The following GPHN variants were observed in gnomAD, a reference collection of about 807,000 sequenced individuals.
GPHN encodes the protein gephyrin.
GPHN carries 17 observed loss-of-function variants against 95.5 expected under a neutral mutation model. That is an observed-to-expected ratio of 0.18 (90% CI 0.12 to 0.27). The LOEUF (loss-of-function observed/expected upper bound fraction) is 0.27. Among genes scored for constraint, GPHN ranks in the 10% least tolerant of loss-of-function variants. The pLI, the probability that GPHN is intolerant of heterozygous loss-of-function variation, is 1.00. For missense variants in GPHN, 660 were observed against 978.1 expected, an observed-to-expected ratio of 0.67 and a Z score of 4.34; for synonymous variants, 320 against 322.5, an observed-to-expected ratio of 0.99 and a Z score of 0.08.
chr14:66,570,200 GAC>G (rs1202664128), intron 1 of GPHN, among the ~76,000 whole-genome samples: 5 of 151,338 alleles, frequency 3.3e-5, no homozygotes, highest in African/African-American at 1.2e-4. Flanking sequence ...CCCATTGATG[GAC>G]AATTAGGTTG....
intron 10 of GPHN, among the ~76,000 whole-genome samples, chr14:67,047,854 G>A (rs377159700): frequency 2.6e-5 from 4 of 152,252 alleles, no homozygotes; most frequent in South Asian, 2.1e-4. Context: ...CCAGCTACTC[G>A]ATGGGGTGAG....
At chr14:66,967,508 T>C (rs1028451062) in intron 9 of GPHN, among the ~76,000 whole-genome samples, 1 of 152,016 alleles carries the variant, frequency 6.6e-6, no homozygotes, top group East Asian at 1.9e-4. Flanking sequence ...ATCCAAATGC[T>C]TGGGACCAGA....
At chr14:66,905,557 G>A (rs906000732) in intron 5 of GPHN, among the ~76,000 whole-genome samples, 5 of 152,086 alleles carry the variant, frequency 3.3e-5, no homozygotes, top group Admixed American at 2.6e-4. Flanking sequence ...GGCTTGTTTC[G>A]CTTTTTTGTG....
intron 22 of GPHN, among the ~76,000 whole-genome samples, chr14:67,179,971 C>T (rs758123740): frequency 1.6e-4 from 25 of 152,136 alleles, no homozygotes; most frequent in Non-Finnish European, 2.9e-4. Context: ...GTTTGTTCAA[C>T]CAATAAGTTC....
At chr14:67,725,138 G>T in the GPHN span, 1 of 1,614,166 alleles carries the variant, frequency 6.2e-7, no homozygotes, top group Non-Finnish European at 8.5e-7. Context: ...GTACTGAAGG[G>T]GGAGTCTGCT....
chr14:67,498,596 G>A, the GPHN span, among the ~76,000 whole-genome samples: 6 of 152,182 alleles, frequency 3.9e-5, no homozygotes, highest in African/African-American at 1.4e-4. Flanking sequence ...CAAGAAAGAC[G>A]AAGGAATGAG....
At chr14:67,003,177 A>T (rs546752809) in intron 9 of GPHN, among the ~76,000 whole-genome samples, 1 of 151,794 alleles carries the variant, frequency 6.6e-6, no homozygotes, top group South Asian at 2.1e-4. Context: ...ACTAATAGGA[A>T]TAGTGGTTTT....
At chr14:66,545,677 G>A (rs1363944132) in intron 1 of GPHN, among the ~76,000 whole-genome samples, 1 of 138,870 alleles carries the variant, frequency 7.2e-6, no homozygotes, top group African/African-American at 2.8e-5. Context: ...TTCCCAGTAG[G>A]GGCGGCCGGG....
chr14:67,457,283 G>T, the GPHN span, among the ~76,000 whole-genome samples: 90 of 152,260 alleles, frequency 5.9e-4, no homozygotes, highest in East Asian at 0.016. Context: ...AATTTGAAAA[G>T]TTAGAAAGAA....
At position 67,081,789 on chromosome 14, in the gene GPHN, A is replaced by T. The variant is rs187417520; in HGVS notation, c.1145-7194A>T. ...TGATTTTTGCATAAGGTGAGAGAGG[A>T]GGATCCAGTTTCATTCTTCTACATG... is the stretch of plus-strand genomic sequence containing the variant. On this transcript the variant is annotated intron_variant, in intron 11 of 22. Coordinates refer to ENST00000478722, the MANE Select transcript of GPHN (RefSeq NM_020806.5). Among the ~76,000 whole-genome samples the T allele has an allele frequency of 4.5e-4, 68 of 152,284 alleles. 1 individual carries two copies. Among genetic ancestry groups the T allele is most frequent in the Admixed American group, 4.4e-3 (68 of 15,292 alleles).
chr14:66,572,532 T>C (rs1267800610), intron 1 of GPHN, among the ~76,000 whole-genome samples: 1 of 152,006 alleles, frequency 6.6e-6, no homozygotes, highest in Non-Finnish European at 1.5e-5. Flanking sequence ...GTAGCTATGG[T>C]AAATGGTATT....
chr14:67,620,063 TAGG>T, the GPHN span: 1 of 1,610,398 alleles, frequency 6.2e-7, no homozygotes, highest in Non-Finnish European at 8.5e-7. Flanking sequence ...GTGGCTGTGA[TAGG>T]AGCCCCGTTC....
chr14:67,359,628 G>A, the GPHN span: 1 of 1,613,618 alleles, frequency 6.2e-7, no homozygotes, highest in Non-Finnish European at 8.5e-7. Flanking sequence ...CTAAACCTGT[G>A]AAAGCGGCTT....
At chr14:67,356,521 T>C in the GPHN span, among the ~76,000 whole-genome samples, 1 of 151,906 alleles carries the variant, frequency 6.6e-6, no homozygotes, top group South Asian at 2.1e-4. Context: ...CTAAGATCAC[T>C]AAGACAATTC....
intron 2 of GPHN, among the ~76,000 whole-genome samples, chr14:66,720,674 A>G (rs1256123881): frequency 1.3e-5 from 2 of 152,200 alleles, no homozygotes; most frequent in East Asian, 1.9e-4. Flanking sequence ...TCAAGTAGAG[A>G]GAAAAAGTAA....
At position 66,706,840 on chromosome 14, in the gene GPHN, G is replaced by A. The variant is rs886378478; in HGVS notation, c.143+25655G>A. Among the ~76,000 whole-genome samples the A allele has an allele frequency of 2.0e-5, 3 of 152,078 alleles. No individual in the cohort carries two copies. The South Asian group carries it at 6.2e-4, about 31-fold the overall frequency. ...GATCTAATTAAACTAAAGAGCTTCT[G>A]CACAGCAAAAGAAACTATCCTCAGA... On this transcript the variant is annotated intron_variant, in intron 2 of 22. Transcript: ENST00000478722.
chr14:67,430,604 C>T, the GPHN span, among the ~76,000 whole-genome samples: 18 of 151,890 alleles, frequency 1.2e-4, no homozygotes, highest in African/African-American at 3.9e-4. Context: ...AATGGCATCA[C>T]GGGGATAAGA....
the GPHN span, among the ~76,000 whole-genome samples, chr14:67,532,550 C>T: frequency 6.6e-6 from 1 of 152,174 alleles, no homozygotes; most frequent in Admixed American, 6.5e-5. Context: ...GCCCTGCAAA[C>T]TGCCTGGCAG....
At chr14:67,427,391 C>T in the GPHN span, among the ~76,000 whole-genome samples, 5,961 of 152,282 alleles carry the variant, frequency 0.039, 176 homozygotes, top group Non-Finnish European at 0.061. Flanking sequence ...GAGAGGGCAG[C>T]TCTGGCTGGC....
Sources: gnomAD v4.1 joint callset for allele counts (sites outside exome capture counted in the v4.1 genomes callset) on GRCh38, gnomAD v4.1.1 for gene constraint, MANE v1.5 for transcripts, NCBI Gene and HGNC (gene_info 2026-07-23, HGNC 2026-07-21) for gene names.